ST6GALNAC5: variants seen among roughly 807,000 people sequenced by gnomAD.
ST6GALNAC5 encodes alpha-N-acetylgalactosaminide alpha-2,6-sialyltransferase 5.
In ST6GALNAC5, 27 loss-of-function variants were observed where a neutral mutation model predicts 33.6. The observed-to-expected ratio is 0.80, with a 90% CI of 0.59 to 1.11. ST6GALNAC5 has a LOEUF of 1.11. ST6GALNAC5 is among the 50% of genes least tolerant of loss of function. The pLI is 0.00. For missense variants in ST6GALNAC5, 428 were observed against 454.0 expected (o/e 0.94, Z 0.52); for synonymous variants, 194 against 171.2 (o/e 1.13, Z -1.04).
intron 2 of ST6GALNAC5, among the ~76,000 whole-genome samples, chr1:76,936,848 A>ACTTTGGT (rs1162392926): frequency 2.0e-5 from 3 of 151,740 alleles, no homozygotes; most frequent in African/African-American, 7.3e-5. Flanking sequence ...TGGACTTTGG[A>ACTTTGGT]CTTTGTACCA....
chr1:76,886,416 C>T (rs1653896195), intron 2 of ST6GALNAC5, among the ~76,000 whole-genome samples: 1 of 152,032 alleles, frequency 6.6e-6, no homozygotes, highest in Non-Finnish European at 1.5e-5. Context: ...AGCTATTCTT[C>T]CAGTCTATGG....
At chr1:77,057,473 G>A (rs1224982499) in intron 4 of ST6GALNAC5, among the ~76,000 whole-genome samples, 3 of 152,210 alleles carry the variant, frequency 2.0e-5, no homozygotes, top group Non-Finnish European at 4.4e-5. Context: ...AGCTTGATGA[G>A]GAAGTGGATA....
In ST6GALNAC5 at chr1:76,867,674, A is replaced by G; in HGVS notation, c.-2A>G. On this transcript the variant is annotated 5_prime_UTR_variant, in exon 1 of 5. Coordinates refer to ENST00000477717, the MANE Select transcript of ST6GALNAC5 (RefSeq NM_030965.3). ...GGATTCTGCACAAAAGAGGTGCCCAAAATGAAGACCCTGATGGTGAGTCAG... is the reference window on the plus strand; with the variant it reads ...GGATTCTGCACAAAAGAGGTGCCCAGAATGAAGACCCTGATGGTGAGTCAG... The G allele has an allele frequency of 1.9e-6, 3 of 1,614,066 alleles. No individual in the cohort carries two copies. Among genetic ancestry groups the G allele is most frequent in the Non-Finnish European group, 2.5e-6 (3 of 1,180,006 alleles).
At chr1:76,881,784 G>A (rs532801201) in intron 2 of ST6GALNAC5, among the ~76,000 whole-genome samples, 114 of 152,308 alleles carry the variant, frequency 7.5e-4, no homozygotes, top group African/African-American at 2.7e-3. Flanking sequence ...GCCACAATTT[G>A]TAGGCCTGTA....
chr1:76,998,808 G>A (rs761308245), intron 2 of ST6GALNAC5, among the ~76,000 whole-genome samples: 9 of 152,100 alleles, frequency 5.9e-5, no homozygotes, highest in Non-Finnish European at 7.4e-5. Flanking sequence ...ATTATAGACC[G>A]CAGAATGTGG....
At chr1:76,932,672 A>G (rs1461556932) in intron 2 of ST6GALNAC5, among the ~76,000 whole-genome samples, 1 of 152,062 alleles carries the variant, frequency 6.6e-6, no homozygotes, top group Non-Finnish European at 1.5e-5. Context: ...AAAGTGAGAA[A>G]CCTGAACTGG....
At chr1:76,990,358 A>G (rs1053444630) in intron 2 of ST6GALNAC5, among the ~76,000 whole-genome samples, 1 of 152,204 alleles carries the variant, frequency 6.6e-6, no homozygotes, top group Non-Finnish European at 1.5e-5. Context: ...GAACTTTTCC[A>G]CTACAGAATT....
rs745998079 is a variant in ST6GALNAC5 at position 77,044,573 on chromosome 1, C to A, written c.631C>A (p.Gln211Lys). The A allele has an allele frequency of 6.3e-7, 1 of 1,581,654 alleles. No individual in the cohort carries two copies. Among genetic ancestry groups the A allele is most frequent in the Non-Finnish European group, 8.6e-7 (1 of 1,161,902 alleles). Residue 211 changes from glutamine (Q) to lysine (K), a missense_variant, in exon 3 of 5, where the codon CAG becomes AAG. Coordinates refer to ENST00000477717, the MANE Select transcript of ST6GALNAC5 (RefSeq NM_030965.3). ...CATGATTACTCGCCACAAGATGCTG[C>A]AGTTTGATGAGCTCTTCAAGCAGGA... ...AFMITRHKMLQFDELFKQETG... is the reference protein window; with the variant it reads ...AFMITRHKMLKFDELFKQETG...
intron 2 of ST6GALNAC5, among the ~76,000 whole-genome samples, chr1:76,914,221 T>C (rs535256071): frequency 3.4e-4 from 52 of 152,316 alleles, no homozygotes; most frequent in African/African-American, 1.2e-3. Context: ...CATTCCATGC[T>C]CATGGGTAGG....
chr1:76,981,966 C>A (rs933055532), intron 2 of ST6GALNAC5, among the ~76,000 whole-genome samples: 1 of 152,074 alleles, frequency 6.6e-6, no homozygotes, highest in Non-Finnish European at 1.5e-5. Flanking sequence ...ATAGCATCAA[C>A]ATCAACAAAA....
intron 2 of ST6GALNAC5, among the ~76,000 whole-genome samples, chr1:76,943,103 A>G (rs1647394299): frequency 6.6e-6 from 1 of 152,100 alleles, no homozygotes; most frequent in African/African-American, 2.4e-5. Context: ...AGCCACAGTT[A>G]ATGTTTGCTG....
chr1:76,897,963 G>C (rs575031459), intron 2 of ST6GALNAC5, among the ~76,000 whole-genome samples: 4 of 152,316 alleles, frequency 2.6e-5, no homozygotes, highest in Non-Finnish European at 5.9e-5. Context: ...ACTTTCCACT[G>C]TGAGAGTTAC....
chr1:76,945,364 A>G (rs1211728830), intron 2 of ST6GALNAC5, among the ~76,000 whole-genome samples: 2 of 152,106 alleles, frequency 1.3e-5, no homozygotes, highest in Non-Finnish European at 1.5e-5. Flanking sequence ...TAGGAACGCA[A>G]TAAAACAAAC....
At chr1:77,016,470 G>A (rs1029182877) in intron 2 of ST6GALNAC5, among the ~76,000 whole-genome samples, 1 of 151,848 alleles carries the variant, frequency 6.6e-6, no homozygotes, top group African/African-American at 2.4e-5. Flanking sequence ...ACTTCTGGAG[G>A]TAATGCCTTT....
chr1:76,973,135 T>C (rs1162060888), intron 2 of ST6GALNAC5, among the ~76,000 whole-genome samples: 1 of 152,136 alleles, frequency 6.6e-6, no homozygotes, highest in Non-Finnish European at 1.5e-5. Flanking sequence ...CTTCTGGTTT[T>C]GTTTGGTATA....
chr1:77,047,426 C>T (rs570015210), intron 3 of ST6GALNAC5, among the ~76,000 whole-genome samples: 4 of 152,292 alleles, frequency 2.6e-5, no homozygotes, highest in Admixed American at 1.3e-4. Context: ...ACATAAAGTA[C>T]AGAATATCTA....
chr1:76,872,068 AACACACACACACACACACAC>A (rs66721550), intron 2 of ST6GALNAC5, among the ~76,000 whole-genome samples: 123 of 130,300 alleles, frequency 9.4e-4, no homozygotes, highest in Admixed American at 1.3e-3. Flanking sequence ...TAACCAAGCT[AACACACACACACACACACAC>A]ACACACACAC....
At chr1:76,938,516 A>G (rs1402167377) in intron 2 of ST6GALNAC5, among the ~76,000 whole-genome samples, 2 of 152,096 alleles carry the variant, frequency 1.3e-5, no homozygotes, top group Non-Finnish European at 2.9e-5. Flanking sequence ...TTTCCATTAC[A>G]TAATTCACTC....
chr1:76,887,686 T>C (rs1047914160), intron 2 of ST6GALNAC5, among the ~76,000 whole-genome samples: 2 of 152,210 alleles, frequency 1.3e-5, no homozygotes, highest in African/African-American at 4.8e-5. Flanking sequence ...ATCAGAATAA[T>C]TCTCTTGCTC....
Sources: gnomAD v4.1 joint callset for allele counts (sites outside exome capture counted in the v4.1 genomes callset) on GRCh38, gnomAD v4.1.1 for gene constraint, MANE v1.5 for transcripts, NCBI Gene and HGNC (gene_info 2026-07-23, HGNC 2026-07-21) for gene names.